Variants in ANO2 observed in about 807,000 individuals in gnomAD.
The protein encoded by ANO2 is anoctamin-2.
A neutral mutation model predicts 124.2 loss-of-function variants in ANO2; 101 were observed. That is an observed-to-expected ratio of 0.81 (90% CI 0.69 to 0.96). The LOEUF (loss-of-function observed/expected upper bound fraction) is 0.96. ANO2 is among the 40% of genes least tolerant of loss of function. ANO2 has a pLI of 0.00. For missense variants in ANO2, 1,293 were observed against 1,274.5 expected (o/e 1.01, Z -0.22); for synonymous variants, 486 against 482.5 (o/e 1.01, Z -0.09).
intron 14 of ANO2, among the ~76,000 whole-genome samples, chr12:5,651,740 T>G (rs1319145856): frequency 6.6e-6 from 1 of 152,212 alleles, no homozygotes; most frequent in African/African-American, 2.4e-5. Context: ...CATGTCCCTT[T>G]GTAGTCTATC....
At chr12:5,853,291 C>A (rs971078463) in intron 4 of ANO2, among the ~76,000 whole-genome samples, 1 of 150,932 alleles carries the variant, frequency 6.6e-6, no homozygotes, top group Non-Finnish European at 1.5e-5. Context: ...TGTGAGCCAC[C>A]GTTCCTGGCC....
At chr12:5,829,690 C>A (rs953863172) in intron 6 of ANO2, among the ~76,000 whole-genome samples, 2 of 152,150 alleles carry the variant, frequency 1.3e-5, no homozygotes, top group African/African-American at 4.8e-5. Context: ...TCTCTTCTGC[C>A]CATAGGCTAT....
chr12:5,659,249 A>G (rs76382757), intron 14 of ANO2, among the ~76,000 whole-genome samples: 1 of 152,310 alleles, frequency 6.6e-6, no homozygotes, highest in African/African-American at 2.4e-5. Flanking sequence ...TCCTCCAGGA[A>G]GCCTTCATGG....
intron 3 of ANO2, among the ~76,000 whole-genome samples, chr12:5,854,419 A>AC (rs1955031576): frequency 6.6e-6 from 1 of 151,310 alleles, no homozygotes; most frequent in South Asian, 2.1e-4. Context: ...AAAAAAAAAA[A>AC]ACAAGTTAAA....
At chr12:5,915,854 A>G (rs982044282) in intron 3 of ANO2, among the ~76,000 whole-genome samples, 4 of 152,226 alleles carry the variant, frequency 2.6e-5, no homozygotes, top group Admixed American at 6.5e-5. Flanking sequence ...ATGCTGCCCC[A>G]AAGGAGGCGA....
intron 16 of ANO2, among the ~76,000 whole-genome samples, chr12:5,621,996 A>G (rs935494814): frequency 1.3e-5 from 2 of 152,182 alleles, no homozygotes; most frequent in African/African-American, 2.4e-5. Context: ...CAATTTAACA[A>G]CAACACAATC....
At chr12:5,706,812 T>A (rs1447421554) in intron 14 of ANO2, among the ~76,000 whole-genome samples, 4 of 152,196 alleles carry the variant, frequency 2.6e-5, no homozygotes, top group Admixed American at 2.6e-4. Context: ...GAGTTAATGG[T>A]GTTACCTCCT....
At chr12:5,779,132 T>C (rs1952312668) in intron 10 of ANO2, among the ~76,000 whole-genome samples, 1 of 152,244 alleles carries the variant, frequency 6.6e-6, no homozygotes, top group African/African-American at 2.4e-5. Context: ...ATACCTAAAA[T>C]GTGAAACCTG....
chr12:5,926,304 C>T (rs12303964), intron 1 of ANO2, among the ~76,000 whole-genome samples: 1,869 of 152,290 alleles, frequency 0.012, 48 homozygotes, highest in African/African-American at 0.043. Context: ...TGGAGGACGG[C>T]GATGCCCTCC....
intron 20 of ANO2, chr12:5,584,004 C>T (rs1013940784): frequency 2.1e-5 from 5 of 240,060 alleles, no homozygotes; most frequent in East Asian, 1.0e-4. Context: ...CACCTTCCTT[C>T]GAATTTGCTC....
chr12:5,572,341 C>T (rs1441494439), intron 23 of ANO2, among the ~76,000 whole-genome samples: 2 of 152,202 alleles, frequency 1.3e-5, no homozygotes, highest in Non-Finnish European at 2.9e-5. Context: ...CCCCACCCCA[C>T]TTACCAGCCA....
chr12:5,863,110 G>A (rs56911554), intron 3 of ANO2, among the ~76,000 whole-genome samples: 2,635 of 152,230 alleles, frequency 0.017, 69 homozygotes, highest in African/African-American at 0.056. Flanking sequence ...GGAACTGTGA[G>A]TCCATTAAAC....
At chr12:5,927,594 G>A (rs992093119) in intron 1 of ANO2, among the ~76,000 whole-genome samples, 2 of 152,142 alleles carry the variant, frequency 1.3e-5, no homozygotes, top group Admixed American at 1.3e-4. Flanking sequence ...GGCTTCCAAC[G>A]ACCATTTCCT....
At position 5,787,755 on chromosome 12, in the gene ANO2, A is replaced by G. The variant is rs937567776; in HGVS notation, c.1055+11752T>C. On this transcript the variant is annotated intron_variant, in intron 10 of 24. Coordinates refer to ENST00000682330, the MANE Select transcript of ANO2 (RefSeq NM_001364791.2). The surrounding 1 kb of genome is among the most constrained non-coding windows in gnomAD (Gnocchi z 4.2). ...TGTCGCTTCCTCAGGGAGATCTCCA[A>G]TTAGGTTGGATGGCCTTATATCTCC... 3.3e-5 allele frequency among the ~76,000 whole-genome samples: 5 copies of G among 152,052 alleles called. No individual in the cohort carries two copies. The highest frequency in any genetic ancestry group is 4.1e-4 in the South Asian group (2 of 4,826).
chr12:5,756,712 A>C (rs1403618207), intron 10 of ANO2, among the ~76,000 whole-genome samples: 1 of 152,002 alleles, frequency 6.6e-6, no homozygotes, highest in Non-Finnish European at 1.5e-5. Context: ...TCCAAGGTCC[A>C]CTAGAGGACT....
chr12:5,677,085 T>C (rs1046155893), intron 14 of ANO2, among the ~76,000 whole-genome samples: 3 of 143,418 alleles, frequency 2.1e-5, no homozygotes, highest in Non-Finnish European at 4.6e-5. Context: ...GAAGGAAACA[T>C]AGGAGCTTCA....
chr12:5,594,192 T>C lies in ANO2; in HGVS notation c.2233+5292A>G, dbSNP rs1206182408. On this transcript the variant is annotated intron_variant, in intron 20 of 24. Transcript: ENST00000682330. ...ATTGCATCAATATCAACTGAATTGT[T>C]GACTCAATCAATATCAGGAACAACC... Among the ~76,000 whole-genome samples the C allele has an allele frequency of 3.9e-5, 6 of 152,324 alleles. No homozygotes were observed. The East Asian group carries it at 1.2e-3, about 29-fold the overall frequency.
chr12:5,855,853 T>A (rs1015722299), intron 3 of ANO2, among the ~76,000 whole-genome samples: 1 of 152,216 alleles, frequency 6.6e-6, no homozygotes, highest in African/African-American at 2.4e-5. Context: ...ACCCAAGGAC[T>A]GTAACACAAC....
At chr12:5,812,548 GAAGA>G (rs201534641) in intron 7 of ANO2, among the ~76,000 whole-genome samples, 121 of 53,140 alleles carry the variant, frequency 2.3e-3, no homozygotes, top group Admixed American at 3.3e-3. Flanking sequence ...GCAGGCAAGC[GAAGA>G]AAGAAAGAAA....
Sources: allele counts gnomAD v4.1 joint callset (sites outside exome capture counted in the v4.1 genomes callset), GRCh38; gene constraint gnomAD v4.1.1; non-coding constraint Gnocchi (gnomAD v3.1); transcripts MANE v1.5; gene names NCBI Gene and HGNC (gene_info 2026-07-23, HGNC 2026-07-21).